The following PLA2G10 variants were observed in gnomAD, a reference collection of about 807,000 sequenced individuals.
The protein encoded by PLA2G10 is group 10 secretory phospholipase A2.
A neutral mutation model predicts 7.9 loss-of-function variants in PLA2G10; 9 were observed. The observed-to-expected ratio is 1.14, with a 90% CI of 0.68 to 1.98. The LOEUF (loss-of-function observed/expected upper bound fraction) is 1.98. Among genes scored for constraint, PLA2G10 ranks in the 30% most tolerant of loss-of-function variants. The pLI is 0.00. For synonymous variants in PLA2G10, 19 were observed against 27.5 expected (o/e 0.69, Z 0.97); for missense variants, 53 against 65.4 (o/e 0.81, Z 0.66).
In PLA2G10 at chr16:14,685,579, G is replaced by C. The variant is rs74695674; in HGVS notation, c.355+2586C>G. 1.2e-3 allele frequency among the ~76,000 whole-genome samples: 175 copies of C among 152,154 alleles called. 1 individual carries two copies. Among genetic ancestry groups the C allele is most frequent in the Admixed American group, 0.01 (157 of 15,246 alleles). On this transcript the variant is annotated intron_variant, in intron 3 of 3. Transcript: ENST00000438167. ...TTGCTTAAGGGGAAAGGGATTTTTC[G>C]AGGCAGAGTGATGAAAAAGTTTAGG...
Position 14,673,282 on chromosome 16 carries a change from G to A in PLA2G10, c.356-533C>T, listed in dbSNP as rs192709612. 1.9e-4 allele frequency among the ~76,000 whole-genome samples: 29 copies of A among 151,890 alleles called. 1 individual carries two copies. The East Asian group carries it at 5.2e-3, about 27-fold the overall frequency. ...AGGTGATCCACCTACCTCGGCCTCC[G>A]AAAGTGCTGGGATTACAGGCGTGAG... On this transcript the variant is annotated intron_variant, in intron 3 of 3. Transcript: ENST00000438167.
chr16:14,681,484 C>G (rs1960891267), intron 3 of PLA2G10, among the ~76,000 whole-genome samples: 1 of 151,986 alleles, frequency 6.6e-6, no homozygotes, highest in Non-Finnish European at 1.5e-5. Context: ...CCTGGCCCCA[C>G]TGCTCCATGA....
At chr16:14,675,770 C>T (rs1436496877) in intron 3 of PLA2G10, among the ~76,000 whole-genome samples, 1 of 151,830 alleles carries the variant, frequency 6.6e-6, no homozygotes, top group African/African-American at 2.4e-5. Flanking sequence ...GAAACCCCGT[C>T]TCTACTAAAA....
intron 3 of PLA2G10, among the ~76,000 whole-genome samples, chr16:14,674,877 A>G (rs1236499512): frequency 6.6e-6 from 1 of 152,168 alleles, no homozygotes; most frequent in African/African-American, 2.4e-5. Flanking sequence ...CTGATCTTCA[A>G]CAAAGCACTC....
chr16:14,679,780 T>C (rs1321104608), intron 3 of PLA2G10, among the ~76,000 whole-genome samples: 2 of 151,880 alleles, frequency 1.3e-5, no homozygotes, highest in African/African-American at 2.4e-5. Context: ...AATCTCAGGA[T>C]TTTGAGGCTG....
chr16:14,684,841 G>A (rs1046819797), intron 3 of PLA2G10, among the ~76,000 whole-genome samples: 3 of 152,106 alleles, frequency 2.0e-5, no homozygotes, highest in African/African-American at 4.8e-5. Flanking sequence ...AGTAAAACAG[G>A]ATTACCGTAT....
intron 3 of PLA2G10, among the ~76,000 whole-genome samples, chr16:14,683,528 T>A (rs1290418730): frequency 1.3e-5 from 2 of 151,836 alleles, no homozygotes; most frequent in Admixed American, 6.6e-5. Flanking sequence ...GAGCCACCAC[T>A]CCTGGCGGTG....
At chr16:14,683,094 A>G (rs1960937833) in intron 3 of PLA2G10, among the ~76,000 whole-genome samples, 1 of 152,140 alleles carries the variant, frequency 6.6e-6, no homozygotes, top group Non-Finnish European at 1.5e-5. Context: ...TCTGTTTCTC[A>G]TCTTACAAAT....
chr16:14,685,071 T>A (rs1162331433), intron 3 of PLA2G10, among the ~76,000 whole-genome samples: 1 of 152,086 alleles, frequency 6.6e-6, no homozygotes, highest in African/African-American at 2.4e-5. Context: ...TGACACATGC[T>A]ATTAATACAA....
rs554717044 is a variant in PLA2G10 at position 14,679,642 on chromosome 16, A to G, written c.356-6893T>C. On this transcript the variant is annotated intron_variant, in intron 3 of 3. Transcript: ENST00000438167. Reference sequence around the variant, plus strand: ...GCCATTGCACTCCAGCCTGGGCAACAAGAGCAAGACTCCACCTCAAAAAAA... The same window carrying G: ...GCCATTGCACTCCAGCCTGGGCAACGAGAGCAAGACTCCACCTCAAAAAAA... Among the ~76,000 whole-genome samples, 21 of 150,458 alleles carry G rather than the reference A, an allele frequency of 1.4e-4. No individual in the cohort carries two copies. In the East Asian group the frequency reaches 3.7e-3, roughly 26 times the overall value.
chr16:14,677,929 G>C (rs1208612641), intron 3 of PLA2G10, among the ~76,000 whole-genome samples: 1 of 152,130 alleles, frequency 6.6e-6, no homozygotes, highest in East Asian at 1.9e-4. Context: ...ATGATGGATG[G>C]ATGGATAGAT....
chr16:14,679,785 A>T (rs2151851107), intron 3 of PLA2G10, among the ~76,000 whole-genome samples: 1 of 152,166 alleles, frequency 6.6e-6, no homozygotes, highest in African/African-American at 2.4e-5. Context: ...CAGGATTTTG[A>T]GGCTGCAGTG....
At chr16:14,674,537 C>T (rs1960674059) in intron 3 of PLA2G10, among the ~76,000 whole-genome samples, 1 of 151,974 alleles carries the variant, frequency 6.6e-6, no homozygotes, top group African/African-American at 2.4e-5. Context: ...CCCATTTCTA[C>T]TAAAAATACA....
chr16:14,687,062 C>T (rs1242642991), intron 3 of PLA2G10, among the ~76,000 whole-genome samples: 2 of 151,402 alleles, frequency 1.3e-5, no homozygotes, highest in Non-Finnish European at 2.9e-5. Flanking sequence ...AAGCCAAGAA[C>T]ATGCCATTGC....
chr16:14,681,443 T>A lies in PLA2G10; in HGVS notation c.355+6722A>T, dbSNP rs138747330. The stretch of plus-strand genomic sequence containing the variant: ...TCTGCTTGTCCTCTTACTTTTCTCC[T>A]TGAGCAACAAAGATTCCGCCAACAG... On this transcript the variant is annotated intron_variant, in intron 3 of 3. Coordinates refer to ENST00000438167, the MANE Select transcript of PLA2G10 (RefSeq NM_003561.3). Among the ~76,000 whole-genome samples, 14 of 152,032 alleles carry A rather than the reference T, an allele frequency of 9.2e-5. No homozygotes were observed. In the East Asian group the frequency reaches 2.7e-3, roughly 30 times the overall value.
intron 3 of PLA2G10, among the ~76,000 whole-genome samples, chr16:14,687,768 G>A (rs1448319947): frequency 5.3e-5 from 8 of 151,712 alleles, no homozygotes; most frequent in African/African-American, 1.4e-4. Context: ...AGGCCGAGGC[G>A]GGCAGAGCAC....
intron 3 of PLA2G10, among the ~76,000 whole-genome samples, chr16:14,675,558 T>C (rs1960703434): frequency 6.6e-6 from 1 of 152,020 alleles, no homozygotes; most frequent in Admixed American, 6.6e-5. Context: ...GGAGAAAATA[T>C]TTGCAAACTA....
intron 3 of PLA2G10, among the ~76,000 whole-genome samples, chr16:14,674,202 A>G (rs1960665060): frequency 6.6e-6 from 1 of 152,200 alleles, no homozygotes; most frequent in African/African-American, 2.4e-5. Flanking sequence ...CTCTACAAAC[A>G]GAACTACAAA....
At chr16:14,674,857 G>A (rs547034629) in intron 3 of PLA2G10, among the ~76,000 whole-genome samples, 2 of 151,924 alleles carry the variant, frequency 1.3e-5, no homozygotes, top group East Asian at 1.9e-4. Flanking sequence ...AGCTAAACAC[G>A]TACAACTAAC....
Sources: allele counts gnomAD v4.1 joint callset (sites outside exome capture counted in the v4.1 genomes callset), GRCh38; gene constraint gnomAD v4.1.1; transcripts MANE v1.5; gene names NCBI Gene and HGNC (gene_info 2026-07-23, HGNC 2026-07-21).